The following HDAC4 variants were observed in gnomAD, a reference collection of about 807,000 sequenced individuals.
HDAC4 encodes histone deacetylase A.
A neutral mutation model predicts 135.1 loss-of-function variants in HDAC4; 16 were observed. The observed-to-expected ratio is 0.12, with a 90% CI of 0.08 to 0.18. The LOEUF (loss-of-function observed/expected upper bound fraction) is 0.18, where lower values mean the gene tolerates loss of function less well. HDAC4 is among the 10% of genes least tolerant of loss of function. HDAC4 has a pLI of 1.00. For synonymous variants in HDAC4, 685 were observed against 653.4 expected (o/e 1.05, Z -0.74); for missense variants, 1,143 against 1,511.8 (o/e 0.76, Z 4.05).
intron 2 of HDAC4, among the ~76,000 whole-genome samples, chr2:239,319,124 A>G (rs1481617494): frequency 1.3e-5 from 2 of 152,232 alleles, no homozygotes; most frequent in Non-Finnish European, 2.9e-5. Flanking sequence ...TTTCTAAAGG[A>G]TATTACTTCC....
chr2:239,250,611 T>C (rs2048731815), intron 2 of HDAC4, among the ~76,000 whole-genome samples: 1 of 152,184 alleles, frequency 6.6e-6, no homozygotes. Context: ...GAAGCTGCTA[T>C]GGGTTCAGCG....
intron 12 of HDAC4, among the ~76,000 whole-genome samples, chr2:239,122,294 G>A (rs942520847): frequency 6.6e-6 from 1 of 152,200 alleles, no homozygotes; most frequent in Admixed American, 6.5e-5. Flanking sequence ...AAGGCTTCTT[G>A]CTGTAGGGGT....
At chr2:239,387,896 G>T (rs1423115304) in intron 1 of HDAC4, among the ~76,000 whole-genome samples, 1 of 152,016 alleles carries the variant, frequency 6.6e-6, no homozygotes. Context: ...GGAAGGCGTG[G>T]GCTCAGGAGC....
chr2:239,060,823 G>A (rs1015954768), intron 24 of HDAC4, among the ~76,000 whole-genome samples: 2 of 152,240 alleles, frequency 1.3e-5, no homozygotes, highest in Admixed American at 6.5e-5. Flanking sequence ...GCCCCGGCCC[G>A]GGCCCGTGTG....
chr2:239,180,331 A>C (rs978071279), intron 4 of HDAC4, among the ~76,000 whole-genome samples: 9 of 152,048 alleles, frequency 5.9e-5, no homozygotes, highest in Non-Finnish European at 1.3e-4. Flanking sequence ...GGGGATGAGG[A>C]ATGGCCTCAC....
At chr2:239,365,231 T>C (rs914903713) in intron 1 of HDAC4, among the ~76,000 whole-genome samples, 13 of 152,240 alleles carry the variant, frequency 8.5e-5, no homozygotes, top group African/African-American at 2.9e-4. Flanking sequence ...TGTCATTTTA[T>C]GATACGTGGC....
intron 2 of HDAC4, among the ~76,000 whole-genome samples, chr2:239,319,734 G>C (rs2053243774): frequency 6.6e-6 from 1 of 152,186 alleles, no homozygotes; most frequent in Non-Finnish European, 1.5e-5. Context: ...ATGAACACCA[G>C]TCACCGACAG....
intron 4 of HDAC4, among the ~76,000 whole-genome samples, chr2:239,179,110 C>T (rs1257923634): frequency 3.9e-5 from 6 of 152,018 alleles, no homozygotes; most frequent in Admixed American, 3.9e-4. Flanking sequence ...GGAGTGCGTG[C>T]GAGGCAGCCA....
chr2:239,377,578 T>C (rs981743495), intron 1 of HDAC4, among the ~76,000 whole-genome samples: 2 of 152,206 alleles, frequency 1.3e-5, no homozygotes, highest in Non-Finnish European at 2.9e-5. Flanking sequence ...GGACCTATGA[T>C]GTATCCTGCC....
chr2:239,120,436 T>C (rs911800294), intron 12 of HDAC4, among the ~76,000 whole-genome samples: 7 of 150,780 alleles, frequency 4.6e-5, no homozygotes, highest in African/African-American at 1.5e-4. Context: ...GATGCACAAA[T>C]AGACAGACAT....
chr2:239,117,764 G>A (rs567447446), intron 12 of HDAC4, among the ~76,000 whole-genome samples: 3 of 152,266 alleles, frequency 2.0e-5, no homozygotes, highest in African/African-American at 7.2e-5. Flanking sequence ...TCCCCGTGGG[G>A]AACGGCCTGA....
intron 2 of HDAC4, among the ~76,000 whole-genome samples, chr2:239,324,181 G>A (rs1274825486): frequency 2.6e-5 from 4 of 152,190 alleles, no homozygotes; most frequent in African/African-American, 9.7e-5. Context: ...TTCAAACATA[G>A]AGTACTTGGA....
At position 239,126,702 on chromosome 2, in the gene HDAC4, T is replaced by C; in HGVS notation, c.1295-8A>G. 6.2e-7 allele frequency: 1 copy of C among 1,612,858 alleles called. No homozygotes were observed. Among genetic ancestry groups the C allele is most frequent in the Non-Finnish European group, 8.5e-7 (1 of 1,179,714 alleles). On this transcript the variant is annotated splice_region_variant and splice_polypyrimidine_tract_variant and intron_variant, in intron 11 of 26. Transcript: ENST00000543185. ...GGCCTGAAAGATACCAGTCTGAAGA[T>C]AATTGGAGGAAGAAACAGCAGAGGG...
At chr2:239,237,577 T>C (rs2047954423) in intron 2 of HDAC4, among the ~76,000 whole-genome samples, 1 of 131,450 alleles carries the variant, frequency 7.6e-6, no homozygotes, top group Admixed American at 7.8e-5. Context: ...GTCAAATGAC[T>C]GCAAAAAAAA....
intron 2 of HDAC4, among the ~76,000 whole-genome samples, chr2:239,239,048 C>T (rs1413428336): frequency 6.6e-6 from 1 of 152,206 alleles, no homozygotes; most frequent in Non-Finnish European, 1.5e-5. Context: ...TGTATACTGG[C>T]GGGTGGGGTG....
intron 19 of HDAC4, among the ~76,000 whole-genome samples, chr2:239,086,232 C>T (rs1375605970): frequency 4.8e-4 from 6 of 12,600 alleles, no homozygotes; most frequent in African/African-American, 7.7e-4. Flanking sequence ...CTCCTCCCTG[C>T]ACATGAAGGA....
intron 13 of HDAC4, among the ~76,000 whole-genome samples, chr2:239,114,828 G>C (rs1239744048): frequency 6.6e-6 from 1 of 152,136 alleles, no homozygotes; most frequent in African/African-American, 2.4e-5. Flanking sequence ...AAGCAGTTAC[G>C]TAACCACCCA....
At chr2:239,103,048 C>G in intron 15 of HDAC4, 152 bp from the exon 16 acceptor site, 1 of 778,470 alleles carries the variant, frequency 1.3e-6, no homozygotes, top group Non-Finnish European at 2.1e-6. Context: ...AAAGAAGAAG[C>G]AACATCACCC....
rs555519039 is a variant in HDAC4, at chr2:239,299,160, C to T, written c.22+53518G>A. Among the ~76,000 whole-genome samples the T allele has an allele frequency of 2.6e-5, 4 of 152,208 alleles. No individual in the cohort carries two copies. The highest frequency in any genetic ancestry group is 4.1e-4 in the South Asian group (2 of 4,822). ...GATTACAGGCATAAGCTATTGCACCCGGCCTGTCATAGCCTACCTTATTCC... is the reference window on the plus strand; with the variant it reads ...GATTACAGGCATAAGCTATTGCACCTGGCCTGTCATAGCCTACCTTATTCC... On this transcript the variant is annotated intron_variant, in intron 2 of 26. Coordinates refer to ENST00000543185, the MANE Select transcript of HDAC4 (RefSeq NM_001378414.1). The surrounding 1 kb of genome is among the most constrained non-coding windows in gnomAD (Gnocchi z 4.0).
Sources: allele counts gnomAD v4.1 joint callset (sites outside exome capture counted in the v4.1 genomes callset), GRCh38; gene constraint gnomAD v4.1.1; non-coding constraint Gnocchi (gnomAD v3.1); transcripts MANE v1.5; gene names NCBI Gene and HGNC (gene_info 2026-07-23, HGNC 2026-07-21).